UBE2E1: variants seen among roughly 807,000 people sequenced by gnomAD.
The protein encoded by UBE2E1 is ubiquitin-conjugating enzyme E2 E1.
Under a neutral mutation model 21.4 loss-of-function variants are expected in UBE2E1, and 6 were observed. That is an observed-to-expected ratio of 0.28 (90% CI 0.15 to 0.55). The LOEUF (loss-of-function observed/expected upper bound fraction) is 0.55. Among genes scored for constraint, UBE2E1 ranks in the 20% least tolerant of loss-of-function variants. The probability of loss-of-function intolerance (pLI) is 0.93; values close to 1 mark genes in which losing one functional copy is unlikely to be tolerated. For missense variants in UBE2E1, 142 were observed against 236.5 expected (o/e 0.60, Z 2.62); for synonymous variants, 87 against 82.7 (o/e 1.05, Z -0.28).
In UBE2E1 at chr3:23,823,595, T is replaced by C. The variant is rs1334456093; in HGVS notation, c.203+12085T>C. On this transcript the variant is annotated intron_variant, in intron 3 of 5. Coordinates refer to ENST00000306627, the MANE Select transcript of UBE2E1 (RefSeq NM_003341.5). The surrounding 1 kb of genome is among the most constrained non-coding windows in gnomAD (Gnocchi z 4.2). Reference sequence around the variant, plus strand: ...TATAAAAATTTATTTCTTAGCAGACTTTGCTACAACACATTTATCCTAAAT... The same window carrying C: ...TATAAAAATTTATTTCTTAGCAGACCTTGCTACAACACATTTATCCTAAAT... Among the ~76,000 whole-genome samples, 1 of 152,236 alleles carries C rather than the reference T, an allele frequency of 6.6e-6. No individual in the cohort carries two copies. The highest frequency in any genetic ancestry group is 1.5e-5 in the Non-Finnish European group (1 of 68,038).
At position 23,887,875 on chromosome 3, in the gene UBE2E1, G is replaced by A; in HGVS notation, c.336+176G>A. On this transcript the variant is annotated intron_variant, in intron 4 of 5. Transcript: ENST00000306627. The surrounding 1 kb of genome is among the most constrained non-coding windows in gnomAD (Gnocchi z 4.4). ...TAGGTTGATTTTGCCTTATCTGGCA[G>A]AGACCATTCTAGGATTAAGTGCTTT... is the stretch of plus-strand genomic sequence containing the variant. The A allele has an allele frequency of 1.2e-6, 1 of 819,310 alleles. No homozygotes were observed. The highest frequency in any genetic ancestry group is 2.8e-5 in the East Asian group (1 of 35,928). The allele number at this position is 819,310 out of a possible 1,614,324, so 50.8% of individuals were successfully genotyped here. A position where few individuals can be genotyped will look rare whatever the true frequency, so the allele number is the denominator to read the frequency against.
intron 3 of UBE2E1, among the ~76,000 whole-genome samples, chr3:23,877,300 G>A (rs1411978266): frequency 1.3e-5 from 2 of 151,892 alleles, no homozygotes; most frequent in African/African-American, 2.4e-5. Flanking sequence ...CTTTTTTGGT[G>A]TACCAGGCAC....
chr3:23,846,697 T>TCA (rs1491500359), intron 3 of UBE2E1, among the ~76,000 whole-genome samples: 29 of 6,508 alleles, frequency 4.5e-3, no homozygotes, highest in African/African-American at 0.022. Context: ...CTCCATCTCA[T>TCA]CAAAAAAAAA....
chr3:23,867,083 CTTTG>C (rs1006788048), intron 3 of UBE2E1, among the ~76,000 whole-genome samples: 14 of 139,294 alleles, frequency 1.0e-4, no homozygotes, highest in South Asian at 4.3e-4. Flanking sequence ...TTTTTTTTCT[CTTTG>C]TTTGTTTTTA....
chr3:23,845,589 C>CTGTGTGTGTGTGTGTGTGTGTGTGTG (rs377458829), intron 3 of UBE2E1, among the ~76,000 whole-genome samples: 3 of 121,286 alleles, frequency 2.5e-5, no homozygotes, highest in African/African-American at 6.4e-5. Context: ...CTCTCTCTCT[C>CTGTGTGTGTGTGTGTGTGTGTGTGTG]TGTGTGTGTG....
At chr3:23,884,727 C>CGT (rs1170169056) in intron 3 of UBE2E1, among the ~76,000 whole-genome samples, 5 of 152,112 alleles carry the variant, frequency 3.3e-5, no homozygotes, top group African/African-American at 1.2e-4. Flanking sequence ...ATGAACAGTA[C>CGT]GACTCCTGCC....
chr3:23,874,791 A>G (rs553651544), intron 3 of UBE2E1, among the ~76,000 whole-genome samples: 1 of 152,294 alleles, frequency 6.6e-6, no homozygotes, highest in African/African-American at 2.4e-5. Flanking sequence ...GGCTTTCAAG[A>G]CACAAGGGAT....
At chr3:23,848,096 TG>T (rs1461587258) in intron 3 of UBE2E1, among the ~76,000 whole-genome samples, 3 of 152,228 alleles carry the variant, frequency 2.0e-5, no homozygotes, top group Non-Finnish European at 4.4e-5. Context: ...ACAATAAACC[TG>T]TGCAGTAATT....
chr3:23,856,019 C>T (rs1199859206), intron 3 of UBE2E1, among the ~76,000 whole-genome samples: 1 of 151,872 alleles, frequency 6.6e-6, no homozygotes, highest in Non-Finnish European at 1.5e-5. Context: ...TTTAAGTTCC[C>T]TGTGTGGTTT....
At chr3:23,813,850 C>G (rs982228544) in intron 3 of UBE2E1, among the ~76,000 whole-genome samples, 1 of 152,086 alleles carries the variant, frequency 6.6e-6, no homozygotes, top group African/African-American at 2.4e-5. Context: ...CTTGGGGATA[C>G]TTTTTGAAGT....
At position 23,860,389 on chromosome 3, in the gene UBE2E1, G is replaced by A. The variant is rs1384493369; in HGVS notation, c.204-27178G>A. 2.0e-5 allele frequency among the ~76,000 whole-genome samples: 3 copies of A among 152,156 alleles called. No individual in the cohort carries two copies. The East Asian group carries it at 5.8e-4, about 29-fold the overall frequency. On this transcript the variant is annotated intron_variant, in intron 3 of 5. Transcript: ENST00000306627. The stretch of plus-strand genomic sequence containing the variant: ...GTATGCTTCCTTGTGGCTTTGTGGG[G>A]CTCATTGTTAATGGAAGCGCACATT...
chr3:23,824,893 A>G (rs1459288110), intron 3 of UBE2E1, among the ~76,000 whole-genome samples: 2 of 152,194 alleles, frequency 1.3e-5, no homozygotes, highest in Non-Finnish European at 2.9e-5. Context: ...CTTAAGCCGG[A>G]AAACAGTTTG....
intron 3 of UBE2E1, among the ~76,000 whole-genome samples, chr3:23,832,311 G>A (rs1161302274): frequency 6.6e-6 from 1 of 152,216 alleles, no homozygotes; most frequent in Non-Finnish European, 1.5e-5. Flanking sequence ...AGAAGGGACT[G>A]TGTTTTTCCT....
intron 3 of UBE2E1, among the ~76,000 whole-genome samples, chr3:23,843,458 A>C (rs1464305171): frequency 6.6e-6 from 1 of 152,212 alleles, no homozygotes; most frequent in African/African-American, 2.4e-5. Context: ...AAATGTCTTA[A>C]GTCTTTGGCA....
chr3:23,812,276 G>A (rs1226285492), intron 3 of UBE2E1, among the ~76,000 whole-genome samples: 1 of 152,096 alleles, frequency 6.6e-6, no homozygotes, highest in Non-Finnish European at 1.5e-5. Flanking sequence ...TTTAAGGGAG[G>A]TCCTGTAACT....
At chr3:23,874,585 T>C (rs746071911) in intron 3 of UBE2E1, among the ~76,000 whole-genome samples, 8 of 152,160 alleles carry the variant, frequency 5.3e-5, no homozygotes, top group Non-Finnish European at 5.9e-5. Flanking sequence ...CTGGATTCTT[T>C]AGTGGGAATA....
In UBE2E1 at chr3:23,890,588, C is replaced by CAAGAGATACGCTACATAAATTGGG; in HGVS notation, c.565_*6dup. On this transcript the variant is annotated stop_gained and inframe_insertion, in exon 6 of 6. Coordinates refer to ENST00000306627, the MANE Select transcript of UBE2E1 (RefSeq NM_003341.5). LOFTEE classifies it high-confidence loss of function. ...ATGACAGAATGGCCAGACAGTGGACCAAGAGATACGCTACATAAATTGGGG... is the reference window on the plus strand; with the variant it reads ...ATGACAGAATGGCCAGACAGTGGACCAAGAGATACGCTACATAAATTGGGAAGAGATACGCTACATAAATTGGGG... 1 of 1,608,406 alleles carries CAAGAGATACGCTACATAAATTGGG rather than the reference C, an allele frequency of 6.2e-7. No individual in the cohort carries two copies. Among genetic ancestry groups the CAAGAGATACGCTACATAAATTGGG allele is most frequent in the Non-Finnish European group, 8.5e-7 (1 of 1,176,704 alleles).
rs114728858 is a variant in UBE2E1 at position 23,851,011 on chromosome 3, T to G, written c.204-36556T>G. ...TATTCCTATATTTTCTTCTAAGAGTTTCATACTTTTAGTTTTTCGATTTGG... is the reference window on the plus strand; with the variant it reads ...TATTCCTATATTTTCTTCTAAGAGTGTCATACTTTTAGTTTTTCGATTTGG... On this transcript the variant is annotated intron_variant, in intron 3 of 5. Transcript: ENST00000306627. Among the ~76,000 whole-genome samples the G allele has an allele frequency of 2.7e-3, 414 of 152,196 alleles. 4 individuals carry two copies. Among genetic ancestry groups the G allele is most frequent in the African/African-American group, 9.2e-3 (381 of 41,528 alleles).
rs1197418760 is a variant in UBE2E1 at position 23,806,543 on chromosome 3, A to G, written c.-34+455A>G. On this transcript the variant is annotated intron_variant, in intron 1 of 5. Transcript: ENST00000306627. This position sits in a 1 kb window ranked among gnomAD's most constrained non-coding sequence, Gnocchi z 6.5. ...TCCCCGCCGCAGCCCCTATCCCCCTACAGGAGTGGCGATCGGGCGTGTGCT... is the reference window on the plus strand; with the variant it reads ...TCCCCGCCGCAGCCCCTATCCCCCTGCAGGAGTGGCGATCGGGCGTGTGCT... Among the ~76,000 whole-genome samples, 1 of 150,384 alleles carries G rather than the reference A, an allele frequency of 6.6e-6. No individual in the cohort carries two copies. The highest frequency in any genetic ancestry group is 2.5e-5 in the African/African-American group (1 of 40,752).
Sources: allele counts gnomAD v4.1 joint callset (sites outside exome capture counted in the v4.1 genomes callset), GRCh38; gene constraint gnomAD v4.1.1; non-coding constraint Gnocchi (gnomAD v3.1); transcripts MANE v1.5; gene names NCBI Gene and HGNC (gene_info 2026-07-23, HGNC 2026-07-21).